STMND1: variants seen among roughly 807,000 people sequenced by gnomAD.
The protein encoded by STMND1 is stathmin domain containing 1.
Under a neutral mutation model 23.0 loss-of-function variants are expected in STMND1, and 17 were observed. The observed-to-expected ratio is 0.74, with a 90% CI of 0.51 to 1.11. STMND1 has a LOEUF of 1.11. STMND1 is among the 50% of genes least tolerant of loss of function. The probability of loss-of-function intolerance (pLI) is 0.00; values close to 1 mark genes in which losing one functional copy is unlikely to be tolerated. For missense variants in STMND1, 305 were observed against 329.1 expected (o/e 0.93, Z 0.57); for synonymous variants, 114 against 119.9 (o/e 0.95, Z 0.32).
In STMND1 at chr6:17,115,049, G is replaced by A. The variant is rs61731426; in HGVS notation, c.169G>A (p.Gly57Ser). 528 of 1,535,974 alleles carry A rather than the reference G, an allele frequency of 3.4e-4. 2 individuals are homozygous for A. The African/African-American group carries it at 5.6e-3, about 16-fold the overall frequency. ...CAAGAATACTGTGGACATTGCAGAA[G>A]GCCTGGAACAAGTCCAGATGGGAAG... ...LTKNTVDIAEGLEQVQMGSLP... is the reference protein window; with the variant it reads ...LTKNTVDIAESLEQVQMGSLP... Residue 57 changes from glycine (G) to serine (S), a missense_variant, in exon 2 of 5, where the codon GGC becomes AGC. Gly to Ser is a moderately conservative substitution (Grantham distance 56). Transcript: ENST00000536551.
At chr6:17,116,209 G>A (rs189661495) in intron 2 of STMND1, among the ~76,000 whole-genome samples, 105 of 152,276 alleles carry the variant, frequency 6.9e-4, no homozygotes, top group African/African-American at 2.5e-3. Flanking sequence ...GGTATGAAGA[G>A]GGTGACAGGT....
intron 1 of STMND1, among the ~76,000 whole-genome samples, chr6:17,114,596 T>C (rs1761133768): frequency 6.6e-6 from 1 of 152,190 alleles, no homozygotes; most frequent in African/African-American, 2.4e-5. Context: ...GTACGCAACC[T>C]AGATCCCTCG....
At chr6:17,129,365 T>C in intron 4 of STMND1, 122 bp downstream of exon 4, 1 of 962,678 alleles carries the variant, frequency 1.0e-6, no homozygotes, top group Non-Finnish European at 1.4e-6. Flanking sequence ...CAGTATTTTT[T>C]TTATTATTTT....
chr6:17,102,980 C>T (rs552667930), intron 1 of STMND1, among the ~76,000 whole-genome samples: 116 of 152,248 alleles, frequency 7.6e-4, no homozygotes, highest in Non-Finnish European at 1.4e-3. Context: ...GTTGCATGCA[C>T]TGTAATTCTT....
chr6:17,125,794 G>T (rs964585645), intron 3 of STMND1, among the ~76,000 whole-genome samples: 1 of 151,942 alleles, frequency 6.6e-6, no homozygotes, highest in Non-Finnish European at 1.5e-5. Flanking sequence ...TCATCCGTAG[G>T]TCAATAGTTA....
At chr6:17,110,279 G>A (rs1761079887) in intron 1 of STMND1, among the ~76,000 whole-genome samples, 1 of 152,188 alleles carries the variant, frequency 6.6e-6, no homozygotes, top group Admixed American at 6.5e-5. Flanking sequence ...AGCTACTGGA[G>A]AGACCAAGGC....
At chr6:17,109,931 G>T (rs1761075404) in intron 1 of STMND1, among the ~76,000 whole-genome samples, 1 of 152,142 alleles carries the variant, frequency 6.6e-6, no homozygotes, top group African/African-American at 2.4e-5. Flanking sequence ...ATTCAAAATA[G>T]AATCAATCTC....
chr6:17,123,614 G>C (rs1472523485), intron 3 of STMND1, among the ~76,000 whole-genome samples: 1 of 152,006 alleles, frequency 6.6e-6, no homozygotes, highest in Non-Finnish European at 1.5e-5. Context: ...TGGGCAGCCC[G>C]GTTGAGAACT....
rs555559353 is a variant in STMND1 at position 17,125,727 on chromosome 6, C to A, written c.412-3385C>A. ...AAAACAAGAATGAAGGGCTGTTTTG[C>A]AGGATTGGCCTATTCTATCCACAAG... is the stretch of plus-strand genomic sequence containing the variant. On this transcript the variant is annotated intron_variant, in intron 3 of 4. Coordinates refer to ENST00000536551, the MANE Select transcript of STMND1 (RefSeq NM_001190766.2). Among the ~76,000 whole-genome samples, 372 of 152,070 alleles carry A rather than the reference C, an allele frequency of 2.4e-3. 4 individuals are homozygous for A. Among genetic ancestry groups the A allele is most frequent in the Non-Finnish European group, 5.4e-4 (37 of 67,990 alleles).
At chr6:17,104,200 CA>C (rs2113469754) in intron 1 of STMND1, among the ~76,000 whole-genome samples, 1 of 151,814 alleles carries the variant, frequency 6.6e-6, no homozygotes, top group African/African-American at 2.4e-5. Context: ...CTGGTGAACT[CA>C]TGATCACTTT....
intron 3 of STMND1, among the ~76,000 whole-genome samples, chr6:17,127,755 A>G (rs1205602207): frequency 6.6e-6 from 1 of 152,196 alleles, no homozygotes; most frequent in Admixed American, 6.5e-5. Context: ...TTTGTCTTTA[A>G]AAAAAGTCTT....
Position 17,109,490 on chromosome 6 carries a change from G to T in STMND1, c.82-5472G>T, listed in dbSNP as rs9477323. Among the ~76,000 whole-genome samples, 351 of 152,304 alleles carry T rather than the reference G, an allele frequency of 2.3e-3. 2 individuals carry two copies. The highest frequency in any genetic ancestry group is 7.8e-3 in the African/African-American group (324 of 41,558). On this transcript the variant is annotated intron_variant, in intron 1 of 4. Coordinates refer to ENST00000536551, the MANE Select transcript of STMND1 (RefSeq NM_001190766.2). ...TCAAACGTTAGAGTAATTCCAGAAA[G>T]TGGTTAACACATGCTTGTATATATT...
intron 3 of STMND1, among the ~76,000 whole-genome samples, chr6:17,125,739 A>G (rs72831859): frequency 0.11 from 16,446 of 152,072 alleles, 1,177 homozygotes; most frequent in Non-Finnish European, 0.16. Context: ...GGATTGGCCT[A>G]TTCTATCCAC....
rs1561925764 is a variant in STMND1, at chr6:17,126,063, TA to T, written c.412-3048del. Among the ~76,000 whole-genome samples, 213 of 27,804 alleles carry T rather than the reference TA, an allele frequency of 7.7e-3. 2 individuals are homozygous for T. The highest frequency in any genetic ancestry group is 0.011 in the Non-Finnish European group (165 of 14,836). The allele number at this position is 27,804 out of a possible 152,430, so 18.2% of individuals were successfully genotyped here. A position where few individuals can be genotyped will look rare whatever the true frequency, so the allele number is the denominator to read the frequency against. On this transcript the variant is annotated intron_variant, in intron 3 of 4. Transcript: ENST00000536551. ...ATATATATATATATATATATATATATATATATATTTTTTTTTTTTTTTTTTT... is the reference window on the plus strand; with the variant it reads ...ATATATATATATATATATATATATATTATATATTTTTTTTTTTTTTTTTTT...
chr6:17,126,262 C>T (rs1210445388), intron 3 of STMND1, among the ~76,000 whole-genome samples: 2 of 151,200 alleles, frequency 1.3e-5, no homozygotes, highest in Non-Finnish European at 1.5e-5. Context: ...ATTCTGACTT[C>T]ATAAAATTCA....
chr6:17,112,652 C>T (rs1041453543), intron 1 of STMND1, among the ~76,000 whole-genome samples: 3 of 152,154 alleles, frequency 2.0e-5, no homozygotes, highest in African/African-American at 7.2e-5. Context: ...TGGCAGGTGC[C>T]TGTAGTCCCA....
At position 17,129,235 on chromosome 6, in the gene STMND1, C is replaced by A; in HGVS notation, c.535C>A (p.Arg179Ser). Reference protein sequence around the residue: ...IEEKMEAAEERRKTKEEEIRK... With the variant: ...IEEKMEAAEESRKTKEEEIRK... ...GGAGAAGATGGAGGCTGCCGAGGAGCGCAGGAAGGTAGTGAGCTCTCAGAT... is the reference window on the plus strand; with the variant it reads ...GGAGAAGATGGAGGCTGCCGAGGAGAGCAGGAAGGTAGTGAGCTCTCAGAT... The change falls in exon 4 of 5, where the codon CGC becomes AGC. Residue 179 changes from arginine (R) to serine (S), a missense_variant. Arg to Ser is a moderately radical substitution (Grantham distance 110). Transcript: ENST00000536551. 6.5e-7 allele frequency: 1 copy of A among 1,535,812 alleles called. No homozygotes were observed. Among genetic ancestry groups the A allele is most frequent in the African/African-American group, 1.4e-5 (1 of 73,128 alleles).
At chr6:17,116,210 G>A (rs1197831276) in intron 2 of STMND1, among the ~76,000 whole-genome samples, 1 of 152,128 alleles carries the variant, frequency 6.6e-6, no homozygotes, top group East Asian at 1.9e-4. Context: ...GTATGAAGAG[G>A]GTGACAGGTA....
intron 3 of STMND1, among the ~76,000 whole-genome samples, chr6:17,126,004 C>A (rs1221360934): frequency 1.6e-5 from 2 of 125,344 alleles, no homozygotes; most frequent in Non-Finnish European, 3.2e-5. Flanking sequence ...CCACTGGTAA[C>A]ACCTCTCTAA....
Sources: gnomAD v4.1 joint callset for allele counts (sites outside exome capture counted in the v4.1 genomes callset) on GRCh38, gnomAD v4.1.1 for gene constraint, MANE v1.5 for transcripts, NCBI Gene and HGNC (gene_info 2026-07-23, HGNC 2026-07-21) for gene names.